The following PRC1 variants were observed in gnomAD, a reference collection of about 807,000 sequenced individuals.
The protein encoded by PRC1 is protein regulator of cytokinesis 1.
In PRC1, 54 loss-of-function variants were observed where a neutral mutation model predicts 91.2. The observed-to-expected ratio is 0.59, with a 90% CI of 0.48 to 0.74. The LOEUF (loss-of-function observed/expected upper bound fraction) is 0.74, where lower values mean the gene tolerates loss of function less well. Among genes scored for constraint, PRC1 ranks in the 30% least tolerant of loss-of-function variants. The pLI, the probability that PRC1 is intolerant of heterozygous loss-of-function variation, is 0.00. For synonymous variants in PRC1, 275 were observed against 263.6 expected, an observed-to-expected ratio of 1.04 and a Z score of -0.42; for missense variants, 727 against 746.2, an observed-to-expected ratio of 0.97 and a Z score of 0.30.
chr15:90,975,382 A>C (rs1204340480), intron 9 of PRC1, among the ~76,000 whole-genome samples: 1 of 152,186 alleles, frequency 6.6e-6, no homozygotes, highest in Non-Finnish European at 1.5e-5. Context: ...ACGCCCGGCC[A>C]GATTTACCTA....
chr15:90,985,816 A>C (rs777648246), intron 1 of PRC1: 1 of 152,036 alleles, frequency 6.6e-6, no homozygotes, highest in Non-Finnish European at 1.5e-5. Flanking sequence ...GCCCGGGCCT[A>C]GTATTCTTAA....
At chr15:90,975,357 C>T (rs1337126413) in intron 9 of PRC1, among the ~76,000 whole-genome samples, 1 of 152,110 alleles carries the variant, frequency 6.6e-6, no homozygotes, top group African/African-American at 2.4e-5. Context: ...CCTGGGATTA[C>T]AGGAGTGAGA....
At chr15:90,990,589 G>A (rs1254815522) in intron 1 of PRC1, among the ~76,000 whole-genome samples, 1 of 151,718 alleles carries the variant, frequency 6.6e-6, no homozygotes, top group East Asian at 1.9e-4. Context: ...GGGATTGACT[G>A]CTAATGGGAT....
chr15:90,980,038 T>C (rs892785064), intron 7 of PRC1, among the ~76,000 whole-genome samples: 3 of 152,244 alleles, frequency 2.0e-5, no homozygotes, highest in African/African-American at 7.2e-5. Context: ...GAAAAGGATA[T>C]ACTTCCTGTT....
intron 11 of PRC1, among the ~76,000 whole-genome samples, chr15:90,971,607 TAAAA>T (rs2038138455): frequency 6.7e-6 from 1 of 150,210 alleles, no homozygotes; most frequent in South Asian, 2.1e-4. Context: ...TTTTTTTAAT[TAAAA>T]AAATTCTAGG....
rs566031143 is a variant in PRC1, at chr15:90,974,140, C to T, written c.1457G>A (p.Arg486His). The T allele has an allele frequency of 2.5e-6, 4 of 1,613,360 alleles. No individual in the cohort carries two copies. The highest frequency in any genetic ancestry group is 1.7e-5 in the Admixed American group (1 of 60,022). Residue 486 changes from arginine to histidine, a missense_variant, in exon 11 of 15, where the codon CGT (arginine) becomes CAT (histidine). Physicochemically the swap from Arg to His is conservative, Grantham distance 29. Coordinates refer to ENST00000394249, the MANE Select transcript of PRC1 (RefSeq NM_003981.4). This position sits in a 1 kb window ranked among gnomAD's most constrained non-coding sequence, Gnocchi z 4.6. ...GLAPNTPGKA[R>H]KLNTTTMSNA... is the part of the protein sequence containing the mutation. ...TTCCCTAAGCCTTGTGTTTACCTTACGTGCTTTGCCCGGTGTATTGGGAGC... is the reference window on the plus strand; with the variant it reads ...TTCCCTAAGCCTTGTGTTTACCTTATGTGCTTTGCCCGGTGTATTGGGAGC...
chr15:90,981,302 T>C (rs1402143456), intron 5 of PRC1, 197 bp downstream of exon 5: 2 of 708,406 alleles, frequency 2.8e-6, no homozygotes, highest in Non-Finnish European at 4.5e-6. Flanking sequence ...TATAATTTCA[T>C]TTTCTTGGAG....
intron 5 of PRC1, 189 bp downstream of exon 5, chr15:90,981,310 G>T: frequency 4.3e-6 from 3 of 702,550 alleles, no homozygotes; most frequent in African/African-American, 1.8e-5. Flanking sequence ...CATTTTCTTG[G>T]AGCCATATAA....
chr15:90,971,934 A>G (rs1183083107), intron 11 of PRC1, among the ~76,000 whole-genome samples: 1 of 152,120 alleles, frequency 6.6e-6, no homozygotes, highest in Non-Finnish European at 1.5e-5. Context: ...AGGCTGAGGC[A>G]CGAGAATCAC....
intron 9 of PRC1, among the ~76,000 whole-genome samples, chr15:90,975,021 C>T (rs760589039): frequency 1.8e-4 from 27 of 152,184 alleles, no homozygotes; most frequent in African/African-American, 4.8e-5. Flanking sequence ...ATGAAATAGG[C>T]GGTGAACATT....
chr15:90,972,214 C>CA (rs780979035), intron 11 of PRC1, among the ~76,000 whole-genome samples: 15,871 of 119,164 alleles, frequency 0.13, 2,476 homozygotes, highest in African/African-American at 0.38. Flanking sequence ...ACACCACCAA[C>CA]AAAAAAAAAA....
In PRC1 at chr15:90,967,066, AC is replaced by A; in HGVS notation, c.*64del. 2 of 1,430,436 alleles carry A rather than the reference AC, an allele frequency of 1.4e-6. No homozygotes were observed. Among genetic ancestry groups the A allele is most frequent in the South Asian group, 1.2e-5 (1 of 85,796 alleles). 88.6% of individuals were successfully genotyped at this position (1,430,436 alleles called of 1,614,324 possible). On this transcript the variant is annotated 3_prime_UTR_variant, in exon 15 of 15. Coordinates refer to ENST00000394249, the MANE Select transcript of PRC1 (RefSeq NM_003981.4). ...CCTAAGCTGAAGAAAAACTAAAGTCACCCCCATATAATTAGGTCCAGTCTAG... is the reference window on the plus strand; with the variant it reads ...CCTAAGCTGAAGAAAAACTAAAGTCACCCCATATAATTAGGTCCAGTCTAG...
intron 11 of PRC1, among the ~76,000 whole-genome samples, 166 bp from the exon 12 acceptor site, chr15:90,970,680 C>T (rs1819383848): frequency 6.6e-6 from 1 of 152,208 alleles, no homozygotes; most frequent in African/African-American, 2.4e-5. Flanking sequence ...TTTGAAGTAA[C>T]TTGTGAAAAA....
chr15:90,970,651 G>A (rs2038041798), intron 11 of PRC1, 137 bp from the exon 12 acceptor site: 4 of 631,692 alleles, frequency 6.3e-6, no homozygotes, highest in Admixed American at 2.8e-5. Flanking sequence ...AGGGCCTGCT[G>A]TGTCTAATAC....
chr15:90,988,014 T>C (rs1360777891), intron 1 of PRC1: 2 of 152,122 alleles, frequency 1.3e-5, no homozygotes, highest in African/African-American at 4.8e-5. Context: ...TTTAAAAGAA[T>C]TTACGGTACT....
At position 90,966,779 on chromosome 15, in the gene PRC1, G is replaced by A. The variant is rs915959139; in HGVS notation, c.*352C>T. The A allele has an allele frequency of 9.2e-6, 4 of 435,154 alleles. No homozygotes were observed. The highest frequency in any genetic ancestry group is 2.0e-5 in the African/African-American group (1 of 50,188). The allele number at this position is 435,154 out of a possible 1,614,324, so 27.0% of individuals were successfully genotyped here. On this transcript the variant is annotated 3_prime_UTR_variant, in exon 15 of 15. Transcript: ENST00000394249. ...GGTATACATGCCAAAATTACCCCCAGGGATGGGCATAGTCAATCATTTTCC... is the reference window on the plus strand; with the variant it reads ...GGTATACATGCCAAAATTACCCCCAAGGATGGGCATAGTCAATCATTTTCC...
At chr15:90,983,315 T>A (rs532771486) in intron 3 of PRC1, among the ~76,000 whole-genome samples, 1 of 152,308 alleles carries the variant, frequency 6.6e-6, no homozygotes, top group Non-Finnish European at 1.5e-5. Flanking sequence ...GGTGTACTCA[T>A]TGTCTTTCCA....
At chr15:90,969,405 G>GT (rs1328515793) in intron 13 of PRC1, 42 bp downstream of exon 13, 2 of 1,551,948 alleles carry the variant, frequency 1.3e-6, no homozygotes, top group Non-Finnish European at 1.7e-6. Context: ...CCCCAACTGT[G>GT]TGCTCCCCAG....
intron 14 of PRC1, chr15:90,967,488 A>G (rs767759919): frequency 2.5e-4 from 96 of 379,606 alleles, no homozygotes; most frequent in Non-Finnish European, 4.2e-4. Context: ...CATGCACTGC[A>G]TAATGATGTT....
Sources: gnomAD v4.1 joint callset for allele counts (sites outside exome capture counted in the v4.1 genomes callset) on GRCh38, gnomAD v4.1.1 for gene constraint, Gnocchi (gnomAD v3.1) non-coding constraint, MANE v1.5 for transcripts, NCBI Gene and HGNC (gene_info 2026-07-23, HGNC 2026-07-21) for gene names.